JAKMIP2: variants seen among roughly 807,000 people sequenced by gnomAD.
JAKMIP2 encodes the protein janus kinase and microtubule-interacting protein 2.
A neutral mutation model predicts 115.0 loss-of-function variants in JAKMIP2; 25 were observed. That is an observed-to-expected ratio of 0.22 (90% CI 0.16 to 0.30). The LOEUF (loss-of-function observed/expected upper bound fraction) is 0.30. Ranked by LOEUF, JAKMIP2 falls within the 10% of genes least tolerant of loss-of-function variation. The pLI is 1.00. For synonymous variants in JAKMIP2, 334 were observed against 343.6 expected, an observed-to-expected ratio of 0.97 and a Z score of 0.31; for missense variants, 642 against 957.6, an observed-to-expected ratio of 0.67 and a Z score of 4.35.
In JAKMIP2 at chr5:147,588,104, A is replaced by G. The variant is rs141647361; in HGVS notation, c.*3603T>C. On this transcript the variant is annotated 3_prime_UTR_variant, in exon 22 of 22. Transcript: ENST00000616793. ...TAGGGTGGCATTAAAGAAAAGTTTGACATTCAATTTAGTAATAGATGCTTT... is the reference window on the plus strand; with the variant it reads ...TAGGGTGGCATTAAAGAAAAGTTTGGCATTCAATTTAGTAATAGATGCTTT... 151 of 152,300 alleles carry G rather than the reference A, an allele frequency of 9.9e-4. 1 individual carries two copies. The highest frequency in any genetic ancestry group is 3.3e-3 in the African/African-American group (139 of 41,574). The allele number at this position is 152,300 out of a possible 1,614,324, so 9.4% of individuals were successfully genotyped here.
At chr5:147,750,440 C>T (rs1011823135) in intron 1 of JAKMIP2, among the ~76,000 whole-genome samples, 1 of 152,032 alleles carries the variant, frequency 6.6e-6, no homozygotes, top group Non-Finnish European at 1.5e-5. Context: ...TTTAGAGACT[C>T]TCATCTCTAA....
At chr5:147,703,442 T>C (rs1331910211) in intron 1 of JAKMIP2, among the ~76,000 whole-genome samples, 1 of 152,110 alleles carries the variant, frequency 6.6e-6, no homozygotes, top group African/African-American at 2.4e-5. Flanking sequence ...CTGGAAGTTG[T>C]TCTGGGTGAG....
intron 1 of JAKMIP2, among the ~76,000 whole-genome samples, chr5:147,672,850 G>A (rs1331072586): frequency 6.6e-6 from 1 of 152,194 alleles, no homozygotes; most frequent in African/African-American, 2.4e-5. Flanking sequence ...CTATTTGTGG[G>A]AAGAAATAGG....
chr5:147,679,544 C>T (rs1374937956), intron 1 of JAKMIP2, among the ~76,000 whole-genome samples: 1 of 152,112 alleles, frequency 6.6e-6, no homozygotes, highest in Non-Finnish European at 1.5e-5. Context: ...AGTGATAAAG[C>T]ATGAAGACTT....
intron 21 of JAKMIP2, among the ~76,000 whole-genome samples, chr5:147,594,692 G>A (rs7713582): frequency 0.94 from 143,745 of 152,136 alleles, 68,321 homozygotes; most frequent in Non-Finnish European, 1. Flanking sequence ...TGTAGCATCT[G>A]TAAGGGCACC....
intron 5 of JAKMIP2, among the ~76,000 whole-genome samples, chr5:147,647,580 C>A (rs1758189355): frequency 6.6e-6 from 1 of 152,004 alleles, no homozygotes; most frequent in African/African-American, 2.4e-5. Context: ...GAAAAGTTAC[C>A]CTACCTTCTT....
At chr5:147,597,850 G>A (rs769001559) in intron 21 of JAKMIP2, among the ~76,000 whole-genome samples, 18 of 152,188 alleles carry the variant, frequency 1.2e-4, no homozygotes, top group South Asian at 4.1e-4. Flanking sequence ...GGCCATGAAG[G>A]TGGAGTGAAT....
Position 147,691,645 on chromosome 5 carries a change from G to T in JAKMIP2, c.-148-19691C>A, listed in dbSNP as rs543958513. Among the ~76,000 whole-genome samples, 4 of 152,242 alleles carry T rather than the reference G, an allele frequency of 2.6e-5. No individual in the cohort carries two copies. The East Asian group carries it at 7.7e-4, about 29-fold the overall frequency. On this transcript the variant is annotated intron_variant, in intron 1 of 21. Coordinates refer to ENST00000616793, the MANE Select transcript of JAKMIP2 (RefSeq NM_001270941.2). ...CACAACCCAAGCTTTGGCCCTGAAGGATTCTTTACCACATAGACTTTCTCT... is the reference window on the plus strand; with the variant it reads ...CACAACCCAAGCTTTGGCCCTGAAGTATTCTTTACCACATAGACTTTCTCT...
chr5:147,698,270 C>G (rs1236222716), intron 1 of JAKMIP2, among the ~76,000 whole-genome samples: 3 of 152,162 alleles, frequency 2.0e-5, no homozygotes, highest in Non-Finnish European at 4.4e-5. Flanking sequence ...AATGCCTGCA[C>G]CCCATTGTAT....
At chr5:147,614,120 C>A (rs781695710) in intron 19 of JAKMIP2, among the ~76,000 whole-genome samples, 8 of 152,162 alleles carry the variant, frequency 5.3e-5, no homozygotes, top group Non-Finnish European at 1.0e-4. Flanking sequence ...ACTGCAGTAT[C>A]CATTCAGCCA....
intron 4 of JAKMIP2, among the ~76,000 whole-genome samples, chr5:147,648,888 T>C (rs922343261): frequency 6.6e-6 from 1 of 152,190 alleles, no homozygotes; most frequent in African/African-American, 2.4e-5. Context: ...GTATTACCAT[T>C]AGCCACAGAG....
At chr5:147,644,032 G>T (rs78475341) in intron 7 of JAKMIP2, 26 bp downstream of exon 7, 15,694 of 1,512,718 alleles carry the variant, frequency 0.01, 117 homozygotes, top group South Asian at 0.022. Flanking sequence ...GAACAACTTA[G>T]GGTTTACAGA....
chr5:147,693,289 G>T (rs1012697811), intron 1 of JAKMIP2, among the ~76,000 whole-genome samples: 1 of 152,192 alleles, frequency 6.6e-6, no homozygotes, highest in Non-Finnish European at 1.5e-5. Flanking sequence ...CCCTCACAGA[G>T]TAGTTGTTTG....
At chr5:147,729,314 C>T (rs1753634637) in intron 1 of JAKMIP2, among the ~76,000 whole-genome samples, 1 of 152,126 alleles carries the variant, frequency 6.6e-6, no homozygotes, top group African/African-American at 2.4e-5. Flanking sequence ...AGAATAAAAT[C>T]AGAGGATGCT....
intron 20 of JAKMIP2, among the ~76,000 whole-genome samples, chr5:147,610,898 A>G (rs947113052): frequency 2.0e-5 from 3 of 152,214 alleles, no homozygotes; most frequent in Non-Finnish European, 4.4e-5. Flanking sequence ...GGAGGAATCT[A>G]GACAGGCAGT....
rs190142617 is a variant in JAKMIP2, at chr5:147,702,627, A to G, written c.-148-30673T>C. Reference sequence around the variant, plus strand: ...AGGAAAGAAAGAAAGAAAGAAAGAAAGAAAGAAAGAAAGAAAGAAAGAAAG... The same window carrying G: ...AGGAAAGAAAGAAAGAAAGAAAGAAGGAAAGAAAGAAAGAAAGAAAGAAAG... On this transcript the variant is annotated intron_variant, in intron 1 of 21. Coordinates refer to ENST00000616793, the MANE Select transcript of JAKMIP2 (RefSeq NM_001270941.2). 8.3e-3 allele frequency among the ~76,000 whole-genome samples: 1,048 copies of G among 125,830 alleles called. 25 individuals carry two copies. Among genetic ancestry groups the G allele is most frequent in the Middle Eastern group, 0.018 (5 of 276 alleles). 82.5% of individuals were successfully genotyped at this position (125,830 alleles called of 152,430 possible). A position where few individuals can be genotyped will look rare whatever the true frequency, so the allele number is the denominator to read the frequency against.
At chr5:147,660,309 T>A (rs1758891572) in intron 3 of JAKMIP2, 1 of 297,628 alleles carries the variant, frequency 3.4e-6, no homozygotes, top group Non-Finnish European at 6.8e-6. Flanking sequence ...TCTTGGAAAC[T>A]ATAAATAGCA....
chr5:147,736,256 G>C (rs1208300500), intron 1 of JAKMIP2, among the ~76,000 whole-genome samples: 1 of 151,684 alleles, frequency 6.6e-6, no homozygotes, highest in Non-Finnish European at 1.5e-5. Flanking sequence ...AGGAGGTCAA[G>C]ACCAGCCTGG....
chr5:147,767,492 A>G (rs970140528), intron 1 of JAKMIP2, among the ~76,000 whole-genome samples: 2 of 152,116 alleles, frequency 1.3e-5, no homozygotes, highest in Admixed American at 1.3e-4. Context: ...ACTTAATACC[A>G]AGGTTGGAGT....
Sources: gnomAD v4.1 joint callset for allele counts (sites outside exome capture counted in the v4.1 genomes callset) on GRCh38, gnomAD v4.1.1 for gene constraint, MANE v1.5 for transcripts, NCBI Gene and HGNC (gene_info 2026-07-23, HGNC 2026-07-21) for gene names.